BCL2L1: variants seen among roughly 807,000 people sequenced by gnomAD.
BCL2L1 encodes the protein bcl-2-like protein 1.
Under a neutral mutation model 18.7 loss-of-function variants are expected in BCL2L1, and 1 was observed. That is an observed-to-expected ratio of 0.05 (90% CI 0.02 to 0.25). The LOEUF (loss-of-function observed/expected upper bound fraction) is 0.25. Ranked by LOEUF, BCL2L1 falls within the 10% of genes least tolerant of loss-of-function variation. The pLI is 1.00. For missense variants in BCL2L1, 207 were observed against 304.9 expected (o/e 0.68, Z 2.39); for synonymous variants, 103 against 122.7 (o/e 0.84, Z 1.06).
chr20:31,720,043 A>G (rs1362534819), intron 2 of BCL2L1: 1 of 949,276 alleles, frequency 1.1e-6, no homozygotes, highest in Non-Finnish European at 1.3e-6. Flanking sequence ...TTAATCATTT[A>G]TCCCCCTAGA....
chr20:31,687,037 G>T (rs137884953), intron 2 of BCL2L1, among the ~76,000 whole-genome samples: 1 of 152,264 alleles, frequency 6.6e-6, no homozygotes, highest in Non-Finnish European at 1.5e-5. Flanking sequence ...TACTACACTG[G>T]CCGAGTCTGG....
At chr20:31,709,497 G>C (rs1600902660) in intron 2 of BCL2L1, among the ~76,000 whole-genome samples, 1 of 151,882 alleles carries the variant, frequency 6.6e-6, no homozygotes, top group African/African-American at 2.4e-5. Flanking sequence ...AAGTAGCTGG[G>C]ATTACAGGCG....
At chr20:31,720,424 G>A (rs1329572141) in intron 2 of BCL2L1, 16 of 617,888 alleles carry the variant, frequency 2.6e-5, no homozygotes, top group Non-Finnish European at 6.1e-6. Flanking sequence ...ATACTCTGAG[G>A]GGATAGAACA....
chr20:31,666,414 C>A (rs2060589012), intron 2 of BCL2L1, among the ~76,000 whole-genome samples: 1 of 152,042 alleles, frequency 6.6e-6, no homozygotes, highest in South Asian at 2.1e-4. Flanking sequence ...GTGGCTGGAG[C>A]AGAGTGCAGG....
At chr20:31,717,831 A>G (rs1311848764) in intron 2 of BCL2L1, among the ~76,000 whole-genome samples, 3 of 152,228 alleles carry the variant, frequency 2.0e-5, no homozygotes, top group African/African-American at 2.4e-5. Context: ...TTACGTTTCT[A>G]TCAGGCTAAG....
intron 2 of BCL2L1, among the ~76,000 whole-genome samples, chr20:31,718,502 A>G (rs1277319496): frequency 6.6e-6 from 1 of 152,008 alleles, no homozygotes; most frequent in East Asian, 1.9e-4. Flanking sequence ...CTAAAAATAC[A>G]AAATTAGCCA....
chr20:31,697,599 G>A (rs1046365141), intron 2 of BCL2L1, among the ~76,000 whole-genome samples: 4 of 151,928 alleles, frequency 2.6e-5, no homozygotes, highest in East Asian at 1.9e-4. Flanking sequence ...CACCACGCCC[G>A]GCTAATTTTT....
intron 2 of BCL2L1, among the ~76,000 whole-genome samples, chr20:31,702,140 T>C (rs1037240030): frequency 2.0e-5 from 3 of 152,164 alleles, no homozygotes; most frequent in African/African-American, 7.2e-5. Context: ...GAACCAAATG[T>C]AGGCCTCAGA....
intron 2 of BCL2L1, among the ~76,000 whole-genome samples, chr20:31,668,639 T>C (rs528497786): frequency 7.8e-6 from 1 of 129,000 alleles, no homozygotes; most frequent in Non-Finnish European, 1.6e-5. Flanking sequence ...AGTTTTACCC[T>C]TGTTGCCCAG....
At chr20:31,710,561 A>G (rs759480602) in intron 2 of BCL2L1, among the ~76,000 whole-genome samples, 1 of 152,202 alleles carries the variant, frequency 6.6e-6, no homozygotes, top group Non-Finnish European at 1.5e-5. Context: ...TTGGCAATGC[A>G]GTTGGCTAGG....
At position 31,665,045 on chromosome 20, in the gene BCL2L1, C is replaced by G. The variant is rs1286459966; in HGVS notation, c.*904G>C. 5.3e-6 allele frequency: 1 copy of G among 188,568 alleles called. No homozygotes were observed. The highest frequency in any genetic ancestry group is 8.4e-5 in the East Asian group (1 of 11,920). 11.7% of individuals were successfully genotyped at this position (188,568 alleles called of 1,614,324 possible). On this transcript the variant is annotated 3_prime_UTR_variant, in exon 3 of 3. Transcript: ENST00000307677. The stretch of plus-strand genomic sequence containing the variant: ...TCCCATAGCTGTTCCTGATAGCTCC[C>G]TTTCACCTCAGGGCTGAGTCCCCTG...
At position 31,697,892 on chromosome 20, in the gene BCL2L1, G is replaced by GTTTTTTTTTTTTTGTTTGTTTGTTTTTTT. The variant is rs1319361227; in HGVS notation, c.564+23762_564+23763insAAAAAAACAAACAAACAAAAAAAAAAAAA. Among the ~76,000 whole-genome samples the GTTTTTTTTTTTTTGTTTGTTTGTTTTTTT allele has an allele frequency of 1.5e-4, 19 of 129,650 alleles. 2 individuals are homozygous for GTTTTTTTTTTTTTGTTTGTTTGTTTTTTT. The highest frequency in any genetic ancestry group is 2.1e-4 in the Non-Finnish European group (13 of 63,246). The allele number at this position is 129,650 out of a possible 152,430, so 85.1% of individuals were successfully genotyped here. A position where few individuals can be genotyped will look rare whatever the true frequency, so the allele number is the denominator to read the frequency against. On this transcript the variant is annotated intron_variant, in intron 2 of 2. Transcript: ENST00000307677. ...AGAATCCTCAGCATGTGCTGTTGCT[G>GTTTTTTTTTTTTTGTTTGTTTGTTTTTTT]TTTTTTTTTTTTTGAGACGGAGTCT...
intron 2 of BCL2L1, among the ~76,000 whole-genome samples, chr20:31,715,545 C>T (rs914132016): frequency 1.3e-5 from 2 of 152,164 alleles, no homozygotes; most frequent in African/African-American, 4.8e-5. Context: ...CATCCACCTC[C>T]TTACCTCATT....
chr20:31,674,593 C>T (rs546199141), intron 2 of BCL2L1, among the ~76,000 whole-genome samples: 2 of 152,234 alleles, frequency 1.3e-5, no homozygotes, highest in South Asian at 4.1e-4. Flanking sequence ...TGGCAGCTAG[C>T]TGTGATGGCT....
rs544794926 is a variant in BCL2L1 at position 31,701,516 on chromosome 20, C to T, written c.564+20139G>A. On this transcript the variant is annotated intron_variant, in intron 2 of 2. Coordinates refer to ENST00000307677, the MANE Select transcript of BCL2L1 (RefSeq NM_138578.3). ...TTCTTACCCATATTTTCCTTTCACCCGACTCCCTTAGCTACATTATCCTTT... is the reference window on the plus strand; with the variant it reads ...TTCTTACCCATATTTTCCTTTCACCTGACTCCCTTAGCTACATTATCCTTT... 3.4e-4 allele frequency among the ~76,000 whole-genome samples: 51 copies of T among 152,232 alleles called. No individual in the cohort carries two copies. In the South Asian group the frequency reaches 9.7e-3, roughly 29 times the overall value.
At chr20:31,719,190 G>T (rs905372558) in intron 2 of BCL2L1, among the ~76,000 whole-genome samples, 1 of 152,208 alleles carries the variant, frequency 6.6e-6, no homozygotes, top group African/African-American at 2.4e-5. Flanking sequence ...TAGCTTCACA[G>T]TAGATGCTCA....
intron 2 of BCL2L1, among the ~76,000 whole-genome samples, chr20:31,719,124 C>T (rs2122845396): frequency 6.6e-6 from 1 of 151,102 alleles, no homozygotes; most frequent in South Asian, 2.1e-4. Context: ...AACAGCATGC[C>T]GTTTCCATGA....
intron 2 of BCL2L1, among the ~76,000 whole-genome samples, chr20:31,705,120 T>C (rs943628132): frequency 6.6e-6 from 1 of 152,222 alleles, no homozygotes; most frequent in Non-Finnish European, 1.5e-5. Context: ...GTTCAAATCA[T>C]GGTTTTACCA....
intron 2 of BCL2L1, among the ~76,000 whole-genome samples, chr20:31,693,068 CAAAAA>C (rs570960056): frequency 3.1e-5 from 2 of 64,606 alleles, no homozygotes; most frequent in African/African-American, 1.0e-4. Flanking sequence ...GGGACCGTCT[CAAAAA>C]AAAAAAACAA....
Sources: gnomAD v4.1 joint callset for allele counts (sites outside exome capture counted in the v4.1 genomes callset) on GRCh38, gnomAD v4.1.1 for gene constraint, MANE v1.5 for transcripts, NCBI Gene and HGNC (gene_info 2026-07-23, HGNC 2026-07-21) for gene names.